Variants in DNAH3 observed in about 807,000 individuals in gnomAD.
DNAH3 encodes axonemal beta dynein heavy chain 3.
DNAH3 carries 332 observed loss-of-function variants against 432.5 expected under a neutral mutation model. That is an observed-to-expected ratio of 0.77 (90% CI 0.70 to 0.84). The LOEUF is 0.84. DNAH3 is among the 40% of genes least tolerant of loss of function. DNAH3 has a pLI of 0.00. For missense variants in DNAH3, 4,861 were observed against 5,114.0 expected (o/e 0.95, Z 1.51); for synonymous variants, 1,956 against 1,900.2 (o/e 1.03, Z -0.76).
At chr16:20,949,261 C>G (rs1596908803) in intron 56 of DNAH3, among the ~76,000 whole-genome samples, 1 of 74,992 alleles carries the variant, frequency 1.3e-5, no homozygotes, top group Admixed American at 1.6e-4. Flanking sequence ...GGGAGACTGT[C>G]TCAAAAAAAA....
chr16:21,073,708 C>G (rs1047867091), intron 21 of DNAH3, among the ~76,000 whole-genome samples: 2 of 152,162 alleles, frequency 1.3e-5, no homozygotes, highest in Non-Finnish European at 2.9e-5. Context: ...CCGAAGCAAG[C>G]ATAAAATCCT....
At chr16:20,976,950 C>T (rs1007527216) in intron 50 of DNAH3, among the ~76,000 whole-genome samples, 1 of 152,202 alleles carries the variant, frequency 6.6e-6, no homozygotes, top group Admixed American at 6.5e-5. Flanking sequence ...GCTATGGCAG[C>T]CCAAGCTGAC....
intron 49 of DNAH3, 105 bp from the exon 50 acceptor site, chr16:20,979,651 C>T (rs1225379493): frequency 5.0e-6 from 5 of 1,004,044 alleles, no homozygotes; most frequent in African/African-American, 1.6e-5. Flanking sequence ...CATACACTGA[C>T]TGTGACACGT....
exon 13 of DNAH3, chr16:21,112,082 T>C: frequency 6.2e-7 from 1 of 1,611,846 alleles, no homozygotes; most frequent in South Asian, 1.1e-5. Flanking sequence ...ACATACTTTT[T>C]GTAGACATTT....
intron 16 of DNAH3, chr16:21,104,061 G>A: frequency 5.3e-6 from 1 of 187,764 alleles, no homozygotes; most frequent in Middle Eastern, 2.4e-3. Flanking sequence ...AAGACCAGCT[G>A]CAAAATAGGC....
chr16:21,105,296 T>G (rs945602826), intron 15 of DNAH3, among the ~76,000 whole-genome samples: 2 of 152,202 alleles, frequency 1.3e-5, no homozygotes, highest in African/African-American at 4.8e-5. Context: ...TATTTTCAGA[T>G]AGAAAATGGC....
chr16:20,985,591 T>C (rs1276798568), exon 48 of DNAH3: 10 of 1,614,262 alleles, frequency 6.2e-6, no homozygotes, highest in Non-Finnish European at 8.5e-6. Context: ...CACAGTCAGC[T>C]GTTTCAGGTC....
intron 51 of DNAH3, among the ~76,000 whole-genome samples, chr16:20,975,008 T>TA (rs2085520955): frequency 8.5e-6 from 1 of 118,304 alleles, no homozygotes; most frequent in Non-Finnish European, 1.8e-5. Flanking sequence ...TTTTTTTTTT[T>TA]AAAGTAGAGA....
exon 23 of DNAH3, chr16:21,069,517 C>T: frequency 6.2e-7 from 1 of 1,613,914 alleles, no homozygotes; most frequent in Non-Finnish European, 8.5e-7. Context: ...AGATTGGTTC[C>T]AGGTACAGCC....
chr16:21,061,816 G>A (rs1319816717), intron 25 of DNAH3, among the ~76,000 whole-genome samples: 4 of 152,196 alleles, frequency 2.6e-5, no homozygotes, highest in Non-Finnish European at 5.9e-5. Flanking sequence ...ATTCAAATAT[G>A]CCCCAAATTA....
chr16:21,062,599 C>T, exon 25 of DNAH3: 1 of 1,614,082 alleles, frequency 6.2e-7, no homozygotes, highest in South Asian at 1.1e-5. Flanking sequence ...CTTCAAAGCA[C>T]TTCTTCAAGT....
At chr16:21,034,171 G>C in intron 35 of DNAH3, 86 bp from the exon 36 acceptor site, 2 of 852,390 alleles carry the variant, frequency 2.3e-6, no homozygotes, top group South Asian at 3.2e-5. Flanking sequence ...GAGGAATGAG[G>C]GGTCAGAAGA....
intron 3 of DNAH3, among the ~76,000 whole-genome samples, chr16:21,144,935 T>G (rs1468780634): frequency 6.6e-6 from 1 of 151,664 alleles, no homozygotes; most frequent in African/African-American, 2.4e-5. Flanking sequence ...CTGGCCAACA[T>G]AGTGAAACCC....
chr16:20,997,463 C>G lies in DNAH3; in HGVS notation c.6422-1G>C. ...TCTTTGGCTGGCATGTTGAGGTCAT[C>G]TGGGGAAAGAAACCACAGATACAGC... On this transcript the variant is annotated splice_acceptor_variant, in intron 43 of 61. Coordinates refer to ENST00000261383, the Ensembl canonical transcript of DNAH3. LOFTEE classifies it high-confidence loss of function. The G allele has an allele frequency of 6.2e-7, 1 of 1,613,786 alleles. No homozygotes were observed. The highest frequency in any genetic ancestry group is 1.3e-5 in the African/African-American group (1 of 75,050).
intron 20 of DNAH3, among the ~76,000 whole-genome samples, chr16:21,079,482 G>T (rs571686537): frequency 4.1e-4 from 63 of 152,164 alleles, no homozygotes; most frequent in African/African-American, 1.5e-3. Context: ...AATTAGCCAG[G>T]CATGATGGCA....
chr16:21,099,412 G>C (rs372008317), intron 16 of DNAH3, among the ~76,000 whole-genome samples: 2 of 152,192 alleles, frequency 1.3e-5, no homozygotes, highest in Non-Finnish European at 2.9e-5. Context: ...ACTAGCAGAC[G>C]GAAGTGGAGG....
intron 50 of DNAH3, among the ~76,000 whole-genome samples, chr16:20,976,475 G>A (rs1351523236): frequency 6.6e-6 from 1 of 152,232 alleles, no homozygotes; most frequent in Non-Finnish European, 1.5e-5. Flanking sequence ...TTACAGGCAT[G>A]AGCCACTGTG....
chr16:20,940,776 G>A (rs11649212), intron 59 of DNAH3, among the ~76,000 whole-genome samples: 42,905 of 151,712 alleles, frequency 0.28, 6,183 homozygotes, highest in Middle Eastern at 0.32. Flanking sequence ...GCTTAGAACC[G>A]TATCTGTCCC....
At position 20,982,981 on chromosome 16, in the gene DNAH3, G is replaced by C. The variant is rs980509820; in HGVS notation, c.7666-67C>G. The C allele has an allele frequency of 5.7e-6, 8 of 1,410,072 alleles. No individual in the cohort carries two copies. The Admixed American group carries it at 7.0e-5, about 12-fold the overall frequency. The allele number at this position is 1,410,072 out of a possible 1,614,324, so 87.3% of individuals were successfully genotyped here. A position where few individuals can be genotyped will look rare whatever the true frequency, so the allele number is the denominator to read the frequency against. On this transcript the variant is annotated intron_variant, in intron 48 of 61. Coordinates refer to ENST00000261383, the Ensembl canonical transcript of DNAH3. ...TCCCAAGGATTCTGGTGGGGTAAGTGGGGGCAGGCTTCCTCCTGGCGCTCC... is the reference window on the plus strand; with the variant it reads ...TCCCAAGGATTCTGGTGGGGTAAGTCGGGGCAGGCTTCCTCCTGGCGCTCC...
Sources: gnomAD v4.1 joint callset for allele counts (sites outside exome capture counted in the v4.1 genomes callset) on GRCh38, gnomAD v4.1.1 for gene constraint, MANE v1.5 for transcripts, NCBI Gene and HGNC (gene_info 2026-07-23, HGNC 2026-07-21) for gene names.